Variants in GRM8 observed in about 807,000 individuals in gnomAD.
The protein encoded by GRM8 is glutamate metabotropic receptor 8.
A neutral mutation model predicts 87.2 loss-of-function variants in GRM8; 47 were observed. That is an observed-to-expected ratio of 0.54 (90% CI 0.43 to 0.69). The LOEUF is 0.69. GRM8 is among the 30% of genes least tolerant of loss of function. The pLI is 0.00. For missense variants in GRM8, 1,019 were observed against 1,139.2 expected (o/e 0.89, Z 1.52); for synonymous variants, 396 against 404.5 (o/e 0.98, Z 0.25).
At chr7:126,532,335 C>A (rs1042545738) in intron 9 of GRM8, among the ~76,000 whole-genome samples, 1 of 152,132 alleles carries the variant, frequency 6.6e-6, no homozygotes, top group African/African-American at 2.4e-5. Flanking sequence ...GAAAAAGTAA[C>A]AAGAATGGGG....
At chr7:126,903,635 G>GTA (rs1479805091) in intron 5 of GRM8, among the ~76,000 whole-genome samples, 1 of 91,210 alleles carries the variant, frequency 1.1e-5, no homozygotes, top group Non-Finnish European at 2.3e-5. Flanking sequence ...ATGTATATGT[G>GTA]TATATATATA....
chr7:127,083,670 C>T (rs965053215), intron 3 of GRM8, among the ~76,000 whole-genome samples: 1 of 151,816 alleles, frequency 6.6e-6, no homozygotes, highest in Non-Finnish European at 1.5e-5. Context: ...ACAAAATCTG[C>T]TTCCTTGAAA....
intron 8 of GRM8, among the ~76,000 whole-genome samples, chr7:126,593,355 T>C (rs1409237575): frequency 6.6e-6 from 1 of 152,004 alleles, no homozygotes; most frequent in Non-Finnish European, 1.5e-5. Flanking sequence ...CTTTAAAATG[T>C]ACAACAAAGC....
chr7:126,759,057 C>A (rs187971853), intron 7 of GRM8, among the ~76,000 whole-genome samples: 21 of 151,876 alleles, frequency 1.4e-4, no homozygotes, highest in Non-Finnish European at 3.1e-4. Context: ...ATCACCACGC[C>A]GGGCTAATTT....
intron 2 of GRM8, among the ~76,000 whole-genome samples, chr7:127,166,657 TGA>T (rs1269059199): frequency 2.0e-5 from 3 of 152,184 alleles, no homozygotes; most frequent in Admixed American, 2.0e-4. Context: ...CAAATTAATA[TGA>T]GAGAGAATGT....
intron 7 of GRM8, among the ~76,000 whole-genome samples, chr7:126,635,272 T>C (rs73224997): frequency 2.6e-5 from 4 of 152,310 alleles, no homozygotes; most frequent in Non-Finnish European, 5.9e-5. Flanking sequence ...TTTCATTTTC[T>C]TCAACATGAA....
At chr7:126,941,550 G>T (rs1387400257) in intron 3 of GRM8, among the ~76,000 whole-genome samples, 5 of 151,536 alleles carry the variant, frequency 3.3e-5, no homozygotes, top group Admixed American at 6.6e-5. Context: ...AACCCAGGAG[G>T]CGGAGCCTGC....
chr7:127,188,313 A>T (rs1794842208), intron 2 of GRM8, among the ~76,000 whole-genome samples: 1 of 152,236 alleles, frequency 6.6e-6, no homozygotes, highest in African/African-American at 2.4e-5. Context: ...CCTCTGAAAT[A>T]ATTACAGTGA....
intron 8 of GRM8, among the ~76,000 whole-genome samples, chr7:126,589,102 A>C (rs545731745): frequency 6.6e-6 from 1 of 152,276 alleles, no homozygotes; most frequent in African/African-American, 2.4e-5. Context: ...CCAACCAAAC[A>C]TGCAAAATTT....
At chr7:126,605,132 C>T (rs1307835776) in intron 8 of GRM8, among the ~76,000 whole-genome samples, 3 of 152,044 alleles carry the variant, frequency 2.0e-5, no homozygotes, top group Non-Finnish European at 4.4e-5. Context: ...ACACGTTCTC[C>T]CTGTGGACAC....
At chr7:126,449,695 A>G (rs1802405925) in intron 9 of GRM8, among the ~76,000 whole-genome samples, 1 of 151,880 alleles carries the variant, frequency 6.6e-6, no homozygotes, top group African/African-American at 2.4e-5. Context: ...TTAGAATAAT[A>G]TAACAGCTCT....
intron 8 of GRM8, among the ~76,000 whole-genome samples, chr7:126,549,683 T>C (rs1202301556): frequency 6.6e-6 from 1 of 152,172 alleles, no homozygotes; most frequent in East Asian, 1.9e-4. Flanking sequence ...TTATTTTACA[T>C]TTGAGGACTA....
chr7:126,955,708 T>C (rs1047506968), intron 3 of GRM8, among the ~76,000 whole-genome samples: 1 of 152,180 alleles, frequency 6.6e-6, no homozygotes, highest in Non-Finnish European at 1.5e-5. Flanking sequence ...ATGGGTCTTT[T>C]CCCCTACTCA....
intron 6 of GRM8, among the ~76,000 whole-genome samples, chr7:126,804,324 A>T (rs768021836): frequency 2.6e-5 from 4 of 152,210 alleles, no homozygotes; most frequent in Non-Finnish European, 5.9e-5. Flanking sequence ...CATAACCAAG[A>T]TATACTGAAA....
At chr7:127,050,675 C>T (rs906747438) in intron 3 of GRM8, among the ~76,000 whole-genome samples, 1 of 152,054 alleles carries the variant, frequency 6.6e-6, no homozygotes, top group African/African-American at 2.4e-5. Context: ...ACACACTGAC[C>T]CAAAAGAGTT....
intron 3 of GRM8, among the ~76,000 whole-genome samples, chr7:126,951,204 A>C (rs1808108804): frequency 6.6e-6 from 1 of 152,128 alleles, no homozygotes; most frequent in African/African-American, 2.4e-5. Flanking sequence ...GATTATAAGA[A>C]AACACATACA....
intron 6 of GRM8, among the ~76,000 whole-genome samples, chr7:126,783,416 A>C (rs1046599716): frequency 8.5e-5 from 13 of 152,196 alleles, no homozygotes; most frequent in African/African-American, 2.9e-4. Flanking sequence ...AACTATTATG[A>C]GATACAGTAA....
At chr7:126,916,612 C>T (rs554732457) in intron 3 of GRM8, among the ~76,000 whole-genome samples, 1 of 152,346 alleles carries the variant, frequency 6.6e-6, no homozygotes, top group Admixed American at 6.5e-5. Context: ...TACTTATCAG[C>T]ATTACCCGAA....
intron 7 of GRM8, among the ~76,000 whole-genome samples, chr7:126,731,662 ATATT>A (rs1399451152): frequency 3.3e-5 from 5 of 152,104 alleles, no homozygotes; most frequent in African/African-American, 1.2e-4. Flanking sequence ...GAATAAGTCA[ATATT>A]TAGATTAGAA....
Sources: gnomAD v4.1 joint callset for allele counts (sites outside exome capture counted in the v4.1 genomes callset) on GRCh38, gnomAD v4.1.1 for gene constraint, MANE v1.5 for transcripts, NCBI Gene and HGNC (gene_info 2026-07-23, HGNC 2026-07-21) for gene names.